Variants in DPH7 observed in about 807,000 individuals in gnomAD.
DPH7 encodes diphthamide biosynthesis 7, also known as diphthine methyltransferase.
Under a neutral mutation model 41.7 loss-of-function variants are expected in DPH7, and 44 were observed. The ratio of observed to expected loss-of-function variants is 1.05; its 90% CI spans 0.83 to 1.36. The LOEUF (loss-of-function observed/expected upper bound fraction) is 1.36, where lower values mean the gene tolerates loss of function less well. DPH7 is among the 40% of genes most tolerant of loss of function. DPH7 has a pLI of 0.00. For synonymous variants in DPH7, 275 were observed against 238.0 expected, an observed-to-expected ratio of 1.16 and a Z score of -1.43; for missense variants, 629 against 577.5, an observed-to-expected ratio of 1.09 and a Z score of -0.91.
chr9:137,575,371 T>C, intron 3 of DPH7: 1 of 988,276 alleles, frequency 1.0e-6, no homozygotes, highest in Non-Finnish European at 1.2e-6. Context: ...ACTCCATCCC[T>C]GCTCCCAGCA....
intron 1 of DPH7, chr9:137,578,258 G>T (rs1420193059): frequency 6.5e-6 from 1 of 153,352 alleles, no homozygotes; most frequent in Non-Finnish European, 1.4e-5. Context: ...TCTGCCTCCC[G>T]GGTTCACGCC....
rs1226069244 is a variant in DPH7, at chr9:137,565,116, C to T, written c.679G>A (p.Val227Ile). ...DGLLRGWDTR[V>I]PGKFLFTSKR... is the part of the protein sequence containing the mutation. The stretch of plus-strand genomic sequence containing the variant: ...CTGGTGAAGAGAAATTTGCCGGGTA[C>T]CCTGGTGTCCCAGCCCCTCAGAAGG... The change falls in exon 6 of 9, where the codon GTA (valine) becomes ATA (isoleucine). Residue 227 changes from valine to isoleucine, a missense_variant. Physicochemically the swap from Val to Ile is conservative, Grantham distance 29. Coordinates refer to ENST00000277540, the MANE Select transcript of DPH7 (RefSeq NM_138778.5). 1 of 1,614,040 alleles carries T rather than the reference C, an allele frequency of 6.2e-7. No homozygotes were observed. Among genetic ancestry groups the T allele is most frequent in the Admixed American group, 1.7e-5 (1 of 60,028 alleles).
chr9:137,558,803 C>T (rs1312405278), intron 8 of DPH7, among the ~76,000 whole-genome samples: 2 of 152,108 alleles, frequency 1.3e-5, no homozygotes, highest in African/African-American at 4.8e-5. Flanking sequence ...GGCGTGATCT[C>T]GGCTCACTGC....
At chr9:137,571,832 G>A (rs1227188822) in intron 5 of DPH7, among the ~76,000 whole-genome samples, 1 of 152,090 alleles carries the variant, frequency 6.6e-6, no homozygotes, top group Non-Finnish European at 1.5e-5. Context: ...AAAAAAGAAA[G>A]CAGGACTTTT....
intron 5 of DPH7, among the ~76,000 whole-genome samples, chr9:137,571,024 AACTC>A (rs1840336817): frequency 6.6e-6 from 1 of 152,046 alleles, no homozygotes. Flanking sequence ...CAGGTGTGGT[AACTC>A]ACACCTGTAG....
chr9:137,555,727 G>A, intron 8 of DPH7, 79 bp from the exon 9 acceptor site: 3 of 1,470,142 alleles, frequency 2.0e-6, no homozygotes, highest in Non-Finnish European at 2.7e-6. Flanking sequence ...CTGACAGGGA[G>A]ACTCCAAGAA....
At chr9:137,561,828 A>C (rs1016643556) in intron 8 of DPH7, among the ~76,000 whole-genome samples, 1 of 152,200 alleles carries the variant, frequency 6.6e-6, no homozygotes, top group South Asian at 2.1e-4. Context: ...CTGGAAATAC[A>C]TAATTCTACA....
At chr9:137,576,273 TC>T in intron 2 of DPH7, 106 bp from the exon 3 acceptor site, 1 of 978,304 alleles carries the variant, frequency 1.0e-6, no homozygotes, top group Non-Finnish European at 1.6e-6. Context: ...GGGGCTGCAG[TC>T]CACGCAAACC....
chr9:137,577,445 C>G (rs1314256103), intron 2 of DPH7, 25 bp downstream of exon 2: 1 of 1,609,698 alleles, frequency 6.2e-7, no homozygotes, highest in African/African-American at 1.3e-5. Context: ...AAATTCTACA[C>G]CCAGTGGGAT....
rs1278427214 is a variant in DPH7 at position 137,577,456 on chromosome 9, T to C, written c.287+14A>G. ...TGACAAATTCTACACCCAGTGGGAT[T>C]ATCACAGTTATACCATTTCATGTCC... On this transcript the variant is annotated intron_variant, in intron 2 of 8. Transcript: ENST00000277540. 4 of 1,611,960 alleles carry C rather than the reference T, an allele frequency of 2.5e-6. No individual in the cohort carries two copies. Among genetic ancestry groups the C allele is most frequent in the Non-Finnish European group, 3.4e-6 (4 of 1,178,674 alleles).
In DPH7 at chr9:137,576,173, G is replaced by T. The variant is rs995808414; in HGVS notation, c.288-6C>A. ...CAGCCACCGGGATGTGACACCTGAG[G>T]AGAGGGCCCACCATAAGCACACCAA... On this transcript the variant is annotated splice_polypyrimidine_tract_variant and splice_region_variant and intron_variant, in intron 2 of 8. Coordinates refer to ENST00000277540, the MANE Select transcript of DPH7 (RefSeq NM_138778.5). 1.9e-6 allele frequency: 3 copies of T among 1,613,292 alleles called. No homozygotes were observed. Among genetic ancestry groups the T allele is most frequent in the African/African-American group, 2.7e-5 (2 of 74,918 alleles).
chr9:137,557,011 C>T (rs1016783654), intron 8 of DPH7: 1 of 419,498 alleles, frequency 2.4e-6, no homozygotes, highest in Admixed American at 2.6e-5. Context: ...GGCTGGAGTG[C>T]ACTGACCTGG....
At chr9:137,558,892 G>C (rs1414593311) in intron 8 of DPH7, among the ~76,000 whole-genome samples, 1 of 152,052 alleles carries the variant, frequency 6.6e-6, no homozygotes, top group Non-Finnish European at 1.5e-5. Flanking sequence ...CCGACCTCAG[G>C]TGATCCGCCC....
At chr9:137,570,621 T>G (rs1179879992) in intron 5 of DPH7, among the ~76,000 whole-genome samples, 1 of 152,190 alleles carries the variant, frequency 6.6e-6, no homozygotes, top group Non-Finnish European at 1.5e-5. Context: ...CAGCTCCCAT[T>G]TCATTCTGAG....
chr9:137,565,132 C>A lies in DPH7; in HGVS notation c.663G>T (p.Arg221Ser). 2 of 1,614,048 alleles carry A rather than the reference C, an allele frequency of 1.2e-6. No individual in the cohort carries two copies. Among genetic ancestry groups the A allele is most frequent in the Non-Finnish European group, 1.7e-6 (2 of 1,180,024 alleles). The change falls in exon 6 of 9, where the codon AGG (arginine) becomes AGT (serine). Residue 221 changes from arginine to serine, a missense_variant. Transcript: ENST00000277540. ...VYSGGDDGLL[R>S]GWDTRVPGKF... ...TGCCGGGTACCCTGGTGTCCCAGCC[C>A]CTCAGAAGGCCATCGTCGCCCCCTG...
rs1837549059 is a variant in DPH7, at chr9:137,556,626, G to T, written c.950-978C>A. The T allele has an allele frequency of 1.4e-5, 5 of 348,212 alleles. No individual in the cohort carries two copies. Among genetic ancestry groups the T allele is most frequent in the South Asian group, 1.1e-4 (5 of 47,148 alleles). 21.6% of individuals were successfully genotyped at this position (348,212 alleles called of 1,614,324 possible). A position where few individuals can be genotyped will look rare whatever the true frequency, so the allele number is the denominator to read the frequency against. ...AGGTGGCTCCGAGGAGGAGTGAGAT[G>T]CTGAATGTTCAGAGACAGCCACAGG... On this transcript the variant is annotated intron_variant, in intron 8 of 8. Transcript: ENST00000277540. The surrounding 1 kb of genome is among the most constrained non-coding windows in gnomAD (Gnocchi z 5.2).
chr9:137,559,734 C>T (rs959647192), intron 8 of DPH7, among the ~76,000 whole-genome samples: 131 of 152,358 alleles, frequency 8.6e-4, no homozygotes, highest in African/African-American at 3.1e-3. Context: ...GTCCAGTGGA[C>T]ACGTGACCCA....
intron 3 of DPH7, chr9:137,575,131 G>A: frequency 8.6e-7 from 1 of 1,158,198 alleles, no homozygotes; most frequent in Non-Finnish European, 1.1e-6. Context: ...TGCCATCCTT[G>A]CGCTCCTAGA....
chr9:137,568,552 ACT>A (rs1420600791), intron 5 of DPH7, among the ~76,000 whole-genome samples: 1 of 131,934 alleles, frequency 7.6e-6, no homozygotes, highest in African/African-American at 2.9e-5. Flanking sequence ...CCCCTGGGTG[ACT>A]CTGTCTGTGA....
Sources: gnomAD v4.1 joint callset for allele counts (sites outside exome capture counted in the v4.1 genomes callset) on GRCh38, gnomAD v4.1.1 for gene constraint, Gnocchi (gnomAD v3.1) non-coding constraint, MANE v1.5 for transcripts, NCBI Gene and HGNC (gene_info 2026-07-23, HGNC 2026-07-21) for gene names.